ABR: variants seen among roughly 807,000 people sequenced by gnomAD.
ABR encodes the protein ABR activator of RhoGEF and GTPase.
A neutral mutation model predicts 107.2 loss-of-function variants in ABR; 35 were observed. The ratio of observed to expected loss-of-function variants is 0.33; its 90% CI spans 0.25 to 0.43. The LOEUF (loss-of-function observed/expected upper bound fraction) is 0.43. Ranked by LOEUF, ABR falls within the 20% of genes least tolerant of loss-of-function variation. The pLI, the probability that ABR is intolerant of heterozygous loss-of-function variation, is 1.00. For missense variants in ABR, 815 were observed against 1,115.2 expected, an observed-to-expected ratio of 0.73 and a Z score of 3.83; for synonymous variants, 498 against 462.0, an observed-to-expected ratio of 1.08 and a Z score of -1.00.
At chr17:1,076,913 G>T (rs1223527586) in intron 6 of ABR, among the ~76,000 whole-genome samples, 1 of 152,080 alleles carries the variant, frequency 6.6e-6, no homozygotes, top group South Asian at 2.1e-4. Context: ...CTTCCTGCCC[G>T]GCCTCACCCA....
At position 1,108,894 on chromosome 17, in the gene ABR, C is replaced by T. The variant is rs759712538; in HGVS notation, c.247-8159G>A. 1.9e-5 allele frequency: 29 copies of T among 1,546,990 alleles called. No individual in the cohort carries two copies. In the South Asian group the frequency reaches 3.4e-4, roughly 18 times the overall value. ...TCCCGCGCACCTTCGGCAGCGCCGGCCCGGCCCCCCCCAGCGCCCAGGGCG... is the reference window on the plus strand; with the variant it reads ...TCCCGCGCACCTTCGGCAGCGCCGGTCCGGCCCCCCCCAGCGCCCAGGGCG... On this transcript the variant is annotated intron_variant, in intron 2 of 22. Transcript: ENST00000302538.
intron 1 of ABR, among the ~76,000 whole-genome samples, chr17:1,165,245 C>T (rs968412664): frequency 3.3e-5 from 5 of 152,244 alleles, no homozygotes; most frequent in South Asian, 4.1e-4. Flanking sequence ...AAAAATGCCC[C>T]TCAGTCCCTG....
At chr17:1,106,209 C>T (rs1041114333) in intron 2 of ABR, among the ~76,000 whole-genome samples, 2 of 152,066 alleles carry the variant, frequency 1.3e-5, no homozygotes, top group African/African-American at 2.4e-5. Context: ...GAAGATGAAG[C>T]GTCTTGGAAA....
chr17:1,220,975 C>T (rs2043110138), intron 1 of ABR, among the ~76,000 whole-genome samples: 2 of 152,120 alleles, frequency 1.3e-5, no homozygotes, highest in African/African-American at 4.8e-5. Context: ...AAGGCTACTG[C>T]CTTGCACAGG....
intron 2 of ABR, among the ~76,000 whole-genome samples, chr17:1,106,913 G>C (rs1203386852): frequency 6.6e-6 from 1 of 152,200 alleles, no homozygotes; most frequent in Non-Finnish European, 1.5e-5. Context: ...ATCACGCCTT[G>C]TTCCTCTTGT....
chr17:1,116,956 G>T (rs2039018416), intron 2 of ABR, among the ~76,000 whole-genome samples: 1 of 152,170 alleles, frequency 6.6e-6, no homozygotes, highest in Non-Finnish European at 1.5e-5. Context: ...GCAGTCAGGA[G>T]GGAGTGGAGC....
At chr17:1,204,801 T>A (rs545938766) in intron 1 of ABR, among the ~76,000 whole-genome samples, 7 of 152,292 alleles carry the variant, frequency 4.6e-5, no homozygotes, top group Non-Finnish European at 8.8e-5. Flanking sequence ...CAGGTGATTT[T>A]TGTATTTAGG....
At position 1,004,286 on chromosome 17, in the gene ABR, A is replaced by T. The variant is rs1323609330; in HGVS notation, c.*1794T>A. The T allele has an allele frequency of 6.6e-6, 1 of 152,456 alleles. No homozygotes were observed. Among genetic ancestry groups the T allele is most frequent in the African/African-American group, 2.4e-5 (1 of 41,474 alleles). The allele number at this position is 152,456 out of a possible 1,614,324, so 9.4% of individuals were successfully genotyped here. On this transcript the variant is annotated 3_prime_UTR_variant, in exon 23 of 23. Transcript: ENST00000302538. ...AGCTGCTCACAGGCAGCCGATGGTC[A>T]GTACTTCCTTCCTCTTGGGCATGTC...
chr17:1,017,839 G>A (rs1265021185), intron 16 of ABR, among the ~76,000 whole-genome samples: 1 of 151,592 alleles, frequency 6.6e-6, no homozygotes, highest in African/African-American at 2.4e-5. Context: ...CAGACCTCAG[G>A]TGGTCCGCCC....
At position 1,006,084 on chromosome 17, in the gene ABR, ACGT is replaced by A. The variant is rs2150687621; in HGVS notation, c.2573_2575del (p.Asp858del). ...CCGCAGCCACCCTGCCTCGGGCTAC[ACGT>A]CGGTGGAGAAGTACAGTGTGTTCCG... On this transcript the variant is annotated inframe_deletion, in exon 23 of 23. Transcript: ENST00000302538. The A allele has an allele frequency of 1.3e-6, 2 of 1,566,638 alleles. No individual in the cohort carries two copies. Among genetic ancestry groups the A allele is most frequent in the Non-Finnish European group, 1.7e-6 (2 of 1,155,350 alleles).
chr17:1,194,280 C>T (rs1207238465), intron 1 of ABR, among the ~76,000 whole-genome samples: 7 of 151,718 alleles, frequency 4.6e-5, no homozygotes, highest in African/African-American at 1.7e-4. Flanking sequence ...CTCCGCCTCC[C>T]GGGTTCAAGT....
At chr17:1,034,022 G>A (rs2072996534) in intron 16 of ABR, among the ~76,000 whole-genome samples, 4 of 149,300 alleles carry the variant, frequency 2.7e-5, no homozygotes, top group Admixed American at 2.0e-4. Context: ...CCAGGCTGGA[G>A]TGCAGTGGTG....
At chr17:1,226,279 G>A (rs970084449) in intron 1 of ABR, among the ~76,000 whole-genome samples, 7 of 152,156 alleles carry the variant, frequency 4.6e-5, no homozygotes, top group Non-Finnish European at 7.3e-5. Flanking sequence ...GTGCGAAAAC[G>A]CCTTCCCTTA....
intron 1 of ABR, among the ~76,000 whole-genome samples, chr17:1,163,016 G>A (rs894501736): frequency 6.6e-6 from 1 of 152,204 alleles, no homozygotes; most frequent in Non-Finnish European, 1.5e-5. Context: ...AGGTTGCAGT[G>A]AGCCGAGATC....
chr17:1,171,373 G>A (rs982141874), intron 1 of ABR, among the ~76,000 whole-genome samples: 7 of 152,216 alleles, frequency 4.6e-5, no homozygotes, highest in South Asian at 2.1e-4. Context: ...CAACAGCCCC[G>A]AGTAAGCCCA....
intron 1 of ABR, among the ~76,000 whole-genome samples, chr17:1,174,652 C>T (rs1050089488): frequency 2.6e-5 from 4 of 152,200 alleles, no homozygotes; most frequent in Admixed American, 6.5e-5. Flanking sequence ...AAAAAGCAGG[C>T]TCTAGTAACA....
intron 16 of ABR, among the ~76,000 whole-genome samples, chr17:1,020,888 G>A (rs1473277818): frequency 1.3e-5 from 2 of 152,110 alleles, no homozygotes; most frequent in Non-Finnish European, 2.9e-5. Flanking sequence ...CTCCCGGCCA[G>A]CTCCCCGTGC....
chr17:1,156,665 CAGAG>C (rs760404834), intron 1 of ABR, among the ~76,000 whole-genome samples: 1 of 151,322 alleles, frequency 6.6e-6, no homozygotes, highest in Non-Finnish European at 1.5e-5. Context: ...GCCTGGGTGA[CAGAG>C]AGAGACTCTG....
chr17:1,116,742 G>GA lies in ABR; in HGVS notation c.246+8440_246+8441insT, dbSNP rs398119615. 2.4e-4 allele frequency among the ~76,000 whole-genome samples: 37 copies of GA among 152,066 alleles called. No individual in the cohort carries two copies. In the South Asian group the frequency reaches 7.1e-3, roughly 29 times the overall value. On this transcript the variant is annotated intron_variant, in intron 2 of 22. Transcript: ENST00000302538. ...CAGTGTCTTCATCTACTAAACGGGG[G>GA]CAGCCCCATGGCTGGAGGACTTGGG...
Sources: allele counts gnomAD v4.1 joint callset (sites outside exome capture counted in the v4.1 genomes callset), GRCh38; gene constraint gnomAD v4.1.1; transcripts MANE v1.5; gene names NCBI Gene and HGNC (gene_info 2026-07-23, HGNC 2026-07-21).